RBFOX1: variants seen among roughly 807,000 people sequenced by gnomAD.
RBFOX1 encodes the protein RNA binding protein fox-1 homolog 1.
In RBFOX1, 8 loss-of-function variants were observed where a neutral mutation model predicts 57.7. The ratio of observed to expected loss-of-function variants is 0.14; its 90% CI spans 0.08 to 0.25. The LOEUF (loss-of-function observed/expected upper bound fraction) is 0.25, where lower values mean the gene tolerates loss of function less well. Ranked by LOEUF, RBFOX1 falls within the 10% of genes least tolerant of loss-of-function variation. The pLI is 1.00. For synonymous variants in RBFOX1, 326 were observed against 222.4 expected (o/e 1.47, Z -4.15); for missense variants, 611 against 548.5 (o/e 1.11, Z -1.14).
rs144695021 is a variant in RBFOX1, at chr16:6,496,328, C to T, written c.-63-158275C>T. ...TCCTTCATTTGTTGTTCTTCATTCA[C>T]AGGCTTCAACTTTTTCCTTTTCATT... On this transcript the variant is annotated intron_variant, in intron 2 of 15. Coordinates refer to ENST00000550418, the MANE Select transcript of RBFOX1 (RefSeq NM_018723.4). Among the ~76,000 whole-genome samples, 748 of 152,280 alleles carry T rather than the reference C, an allele frequency of 4.9e-3. 24 individuals carry two copies. The East Asian group carries it at 0.097, about 20-fold the overall frequency.
At chr16:6,941,659 A>G (rs1352132851) in intron 3 of RBFOX1, among the ~76,000 whole-genome samples, 1 of 152,024 alleles carries the variant, frequency 6.6e-6, no homozygotes, top group Non-Finnish European at 1.5e-5. Flanking sequence ...GTTTATCTAT[A>G]AAGCAGGTCA....
At chr16:6,480,260 C>T (rs533972710) in intron 2 of RBFOX1, among the ~76,000 whole-genome samples, 10 of 152,260 alleles carry the variant, frequency 6.6e-5, no homozygotes, top group African/African-American at 1.2e-4. Flanking sequence ...TATACATACA[C>T]ACTTTTCACT....
chr16:6,153,377 T>C (rs2096814052), intron 1 of RBFOX1, among the ~76,000 whole-genome samples: 1 of 152,240 alleles, frequency 6.6e-6, no homozygotes. Flanking sequence ...TCCTTGCTAA[T>C]TGAATTCTTT....
At chr16:6,805,978 C>T (rs182171294) in intron 3 of RBFOX1, among the ~76,000 whole-genome samples, 1 of 152,108 alleles carries the variant, frequency 6.6e-6, no homozygotes, top group Non-Finnish European at 1.5e-5. Context: ...GAGGAGTTAC[C>T]TTTTGTGAGG....
At chr16:5,325,123 C>G (rs1018045998) in intron 1 of RBFOX1, among the ~76,000 whole-genome samples, 9 of 152,180 alleles carry the variant, frequency 5.9e-5, no homozygotes, top group Non-Finnish European at 1.2e-4. Context: ...CTCACTGACG[C>G]TTAAGAAGCG....
intron 9 of RBFOX1, among the ~76,000 whole-genome samples, chr16:7,603,578 C>G (rs888176307): frequency 6.6e-6 from 1 of 152,068 alleles, no homozygotes; most frequent in Non-Finnish European, 1.5e-5. Flanking sequence ...CTCCAGAGCC[C>G]TAAATAACAT....
At chr16:6,884,528 T>A (rs1170710036) in intron 3 of RBFOX1, among the ~76,000 whole-genome samples, 1 of 152,204 alleles carries the variant, frequency 6.6e-6, no homozygotes, top group South Asian at 2.1e-4. Flanking sequence ...ACATGTTACA[T>A]GTACATCATC....
At chr16:5,481,994 T>G (rs1173781993) in intron 2 of RBFOX1, among the ~76,000 whole-genome samples, 1 of 152,168 alleles carries the variant, frequency 6.6e-6, no homozygotes, top group East Asian at 1.9e-4. Flanking sequence ...ACTTAGAGCT[T>G]GAACACACAA....
intron 4 of RBFOX1, among the ~76,000 whole-genome samples, chr16:7,391,017 C>G (rs2098003475): frequency 6.6e-6 from 1 of 152,088 alleles, no homozygotes; most frequent in South Asian, 2.1e-4. Flanking sequence ...GACCCTCGTG[C>G]TTTTTGGAGG....
At chr16:6,749,248 G>A (rs2074417697) in intron 3 of RBFOX1, among the ~76,000 whole-genome samples, 1 of 152,140 alleles carries the variant, frequency 6.6e-6, no homozygotes, top group Non-Finnish European at 1.5e-5. Flanking sequence ...TGTCCCATCT[G>A]AGCCTGGGTT....
chr16:5,494,237 C>T (rs563269075), intron 2 of RBFOX1, among the ~76,000 whole-genome samples: 47 of 152,332 alleles, frequency 3.1e-4, no homozygotes, highest in African/African-American at 1.1e-3. Flanking sequence ...TACCCTCATC[C>T]AGAAACCTTG....
At chr16:6,811,275 A>G (rs1171727675) in intron 3 of RBFOX1, among the ~76,000 whole-genome samples, 3 of 152,240 alleles carry the variant, frequency 2.0e-5, no homozygotes, top group African/African-American at 7.2e-5. Context: ...GAACAAAAGA[A>G]GAGAAATAGA....
At chr16:5,486,029 C>A (rs1326809545) in intron 2 of RBFOX1, among the ~76,000 whole-genome samples, 1 of 152,238 alleles carries the variant, frequency 6.6e-6, no homozygotes, top group Non-Finnish European at 1.5e-5. Flanking sequence ...CGCCTCCTCT[C>A]TCCCTGCTTC....
intron 2 of RBFOX1, among the ~76,000 whole-genome samples, chr16:6,586,175 G>A (rs2097612704): frequency 1.3e-5 from 2 of 152,190 alleles, no homozygotes; most frequent in Non-Finnish European, 1.5e-5. Context: ...GGCAGCCGTA[G>A]GCAGTTGTTT....
intron 2 of RBFOX1, among the ~76,000 whole-genome samples, chr16:6,627,720 T>C (rs1021332101): frequency 2.0e-5 from 3 of 152,188 alleles, no homozygotes; most frequent in African/African-American, 7.2e-5. Flanking sequence ...GAGGTGTCAG[T>C]CATCCCCCCT....
chr16:5,448,802 C>T (rs1335910750), intron 1 of RBFOX1, among the ~76,000 whole-genome samples: 2 of 152,202 alleles, frequency 1.3e-5, no homozygotes, highest in East Asian at 1.9e-4. Flanking sequence ...CCCAGCATTG[C>T]TCTAGGCATC....
At chr16:6,585,639 ACT>A (rs2097599478) in intron 2 of RBFOX1, among the ~76,000 whole-genome samples, 1 of 151,602 alleles carries the variant, frequency 6.6e-6, no homozygotes, top group Non-Finnish European at 1.5e-5. Flanking sequence ...AATGACATAG[ACT>A]CTTTCTGTTT....
chr16:5,914,653 T>G (rs1048134019), intron 4 of RBFOX1, among the ~76,000 whole-genome samples: 4 of 152,052 alleles, frequency 2.6e-5, no homozygotes, highest in African/African-American at 9.7e-5. Flanking sequence ...TCCCAGCACT[T>G]TGGGAGGCCC....
intron 1 of RBFOX1, among the ~76,000 whole-genome samples, chr16:6,295,310 G>A (rs560403058): frequency 1.3e-5 from 2 of 152,154 alleles, no homozygotes; most frequent in Admixed American, 6.5e-5. Flanking sequence ...ATTTTTAGTA[G>A]AGGCGAGGTT....
Sources: allele counts gnomAD v4.1 joint callset (sites outside exome capture counted in the v4.1 genomes callset), GRCh38; gene constraint gnomAD v4.1.1; transcripts MANE v1.5; gene names NCBI Gene and HGNC (gene_info 2026-07-23, HGNC 2026-07-21).